CDH18: variants seen among roughly 807,000 people sequenced by gnomAD.
CDH18 encodes the protein cadherin-18.
CDH18 carries 31 observed loss-of-function variants against 67.9 expected under a neutral mutation model. That is an observed-to-expected ratio of 0.46 (90% CI 0.34 to 0.62). The LOEUF is 0.62. CDH18 is among the 20% of genes least tolerant of loss of function. The pLI is 0.01. For synonymous variants in CDH18, 362 were observed against 347.2 expected, an observed-to-expected ratio of 1.04 and a Z score of -0.48; for missense variants, 890 against 975.5, an observed-to-expected ratio of 0.91 and a Z score of 1.17.
intron 2 of CDH18, among the ~76,000 whole-genome samples, chr5:20,219,866 T>C (rs1429543373): frequency 6.6e-6 from 1 of 151,918 alleles, no homozygotes; most frequent in Non-Finnish European, 1.5e-5. Flanking sequence ...TCTCAGCTAG[T>C]ATCATAAGGA....
At chr5:20,060,267 C>G (rs1380395707) in intron 2 of CDH18, among the ~76,000 whole-genome samples, 1 of 151,978 alleles carries the variant, frequency 6.6e-6, no homozygotes, top group African/African-American at 2.4e-5. Context: ...GAGTTCGGGA[C>G]CAGCCTAGCC....
chr5:19,920,893 G>GCGCACACACACACACACA (rs1554064294), intron 2 of CDH18, among the ~76,000 whole-genome samples: 4 of 146,206 alleles, frequency 2.7e-5, no homozygotes, highest in African/African-American at 1.0e-4. Context: ...ACCCACAAGA[G>GCGCACACACACACACACA]CACACACACA....
intron 2 of CDH18, among the ~76,000 whole-genome samples, chr5:19,869,112 T>C (rs1429053718): frequency 6.6e-6 from 1 of 152,178 alleles, no homozygotes; most frequent in African/African-American, 2.4e-5. Flanking sequence ...TATTGTACTG[T>C]GCCATATGCA....
At chr5:19,794,462 G>A (rs558567375) in intron 3 of CDH18, among the ~76,000 whole-genome samples, 1 of 152,012 alleles carries the variant, frequency 6.6e-6, no homozygotes, top group East Asian at 1.9e-4. Flanking sequence ...GAATGACATC[G>A]CAAGCTGTCC....
At chr5:20,002,150 T>TCTA (rs1736497652) in intron 2 of CDH18, among the ~76,000 whole-genome samples, 4 of 152,208 alleles carry the variant, frequency 2.6e-5, no homozygotes, top group Non-Finnish European at 5.9e-5. Context: ...TTCCAGTACA[T>TCTA]TTCTACTATG....
At chr5:20,525,120 A>G (rs1268051186) in intron 1 of CDH18, among the ~76,000 whole-genome samples, 1 of 152,202 alleles carries the variant, frequency 6.6e-6, no homozygotes, top group Non-Finnish European at 1.5e-5. Context: ...TGACTAAGAC[A>G]TTCTGTAGCT....
At chr5:19,626,171 A>G (rs1208685649) in intron 5 of CDH18, among the ~76,000 whole-genome samples, 1 of 152,176 alleles carries the variant, frequency 6.6e-6, no homozygotes, top group Non-Finnish European at 1.5e-5. Flanking sequence ...ACACCACTCA[A>G]GCGACAACAC....
intron 5 of CDH18, among the ~76,000 whole-genome samples, chr5:19,651,291 T>C (rs1012768107): frequency 2.6e-5 from 4 of 151,904 alleles, no homozygotes; most frequent in African/African-American, 7.2e-5. Context: ...TTTCAGAAAA[T>C]ATTGTAGAAA....
chr5:20,272,686 C>G (rs531184029), intron 1 of CDH18, among the ~76,000 whole-genome samples: 11 of 151,940 alleles, frequency 7.2e-5, no homozygotes, highest in Non-Finnish European at 1.6e-4. Flanking sequence ...ACAAATAGCA[C>G]TAGCTCTGTT....
chr5:20,352,576 C>T (rs144249402), intron 1 of CDH18, among the ~76,000 whole-genome samples: 12 of 144,272 alleles, frequency 8.3e-5, no homozygotes, highest in African/African-American at 2.6e-4. Context: ...GTCAGGAGAT[C>T]GAGACCATCC....
intron 5 of CDH18, among the ~76,000 whole-genome samples, chr5:19,691,519 G>T (rs566170354): frequency 7.2e-5 from 11 of 151,822 alleles, no homozygotes; most frequent in African/African-American, 2.7e-4. Context: ...AAACACTTAG[G>T]CCAGATTAAA....
chr5:20,395,186 A>G (rs1397492892), intron 1 of CDH18, among the ~76,000 whole-genome samples: 1 of 152,204 alleles, frequency 6.6e-6, no homozygotes, highest in Non-Finnish European at 1.5e-5. Context: ...ACATGCAACC[A>G]ACGTAAGTGG....
At chr5:19,499,291 T>G (rs1742844430) in intron 11 of CDH18, among the ~76,000 whole-genome samples, 1 of 152,200 alleles carries the variant, frequency 6.6e-6, no homozygotes, top group Non-Finnish European at 1.5e-5. Flanking sequence ...CCCACTTCTT[T>G]TCTACCTAAC....
intron 9 of CDH18, among the ~76,000 whole-genome samples, chr5:19,524,366 AAT>A (rs1314262012): frequency 2.0e-5 from 3 of 150,412 alleles, no homozygotes; most frequent in Non-Finnish European, 3.0e-5. Flanking sequence ...ACTTGCTTTA[AAT>A]ATATGTTTAC....
chr5:19,586,261 A>C (rs1744120274), intron 7 of CDH18, among the ~76,000 whole-genome samples: 1 of 152,056 alleles, frequency 6.6e-6, no homozygotes. Flanking sequence ...TTTGTTACAT[A>C]GGTAAACATG....
At chr5:19,702,520 C>T (rs1256983933) in intron 5 of CDH18, among the ~76,000 whole-genome samples, 2 of 150,916 alleles carry the variant, frequency 1.3e-5, no homozygotes, top group Admixed American at 1.3e-4. Context: ...AATCCCAGCA[C>T]TTTGGGAGTC....
At chr5:20,088,674 T>G (rs1163088573) in intron 2 of CDH18, among the ~76,000 whole-genome samples, 2 of 152,174 alleles carry the variant, frequency 1.3e-5, no homozygotes, top group African/African-American at 4.8e-5. Context: ...CTGGACTCCC[T>G]CTTCTGTAAA....
At chr5:20,334,746 TCTCTCATACACACACACACACA>T (rs1190569063) in intron 1 of CDH18, among the ~76,000 whole-genome samples, 4 of 131,092 alleles carry the variant, frequency 3.1e-5, no homozygotes, top group Middle Eastern at 7.1e-3. Flanking sequence ...TCTCTCTCTC[TCTCTCATACACACACACACACA>T]CACACACACA....
At chr5:19,684,809 G>T (rs1271281149) in intron 5 of CDH18, among the ~76,000 whole-genome samples, 1 of 152,000 alleles carries the variant, frequency 6.6e-6, no homozygotes, top group East Asian at 1.9e-4. Context: ...GTTTCGAGAG[G>T]TAGATCCTAT....
Sources: allele counts gnomAD v4.1 joint callset (sites outside exome capture counted in the v4.1 genomes callset), GRCh38; gene constraint gnomAD v4.1.1; transcripts MANE v1.5; gene names NCBI Gene and HGNC (gene_info 2026-07-23, HGNC 2026-07-21).